Variants in GRIP1 observed in about 807,000 individuals in gnomAD.
GRIP1 encodes the protein glutamate receptor interacting protein 1.
Under a neutral mutation model 129.9 loss-of-function variants are expected in GRIP1, and 45 were observed. The observed-to-expected ratio is 0.35, with a 90% CI of 0.27 to 0.44. The LOEUF (loss-of-function observed/expected upper bound fraction) is 0.44. GRIP1 is among the 20% of genes least tolerant of loss of function. GRIP1 has a pLI of 1.00. For synonymous variants in GRIP1, 530 were observed against 520.8 expected (o/e 1.02, Z -0.24); for missense variants, 1,196 against 1,396.8 (o/e 0.86, Z 2.29).
chr12:66,515,285 C>G (rs1019024437), intron 7 of GRIP1, among the ~76,000 whole-genome samples: 6 of 151,806 alleles, frequency 4.0e-5, no homozygotes, highest in Non-Finnish European at 7.4e-5. Flanking sequence ...AAAAAAGTAC[C>G]AGTCCTTAAG....
intron 7 of GRIP1, among the ~76,000 whole-genome samples, chr12:66,510,927 T>C (rs776657991): frequency 4.6e-5 from 7 of 152,190 alleles, no homozygotes; most frequent in Non-Finnish European, 8.8e-5. Flanking sequence ...ATCCAGGAAA[T>C]GTATATCAAA....
chr12:66,797,232 C>T (rs940998096), intron 1 of GRIP1, among the ~76,000 whole-genome samples: 2 of 152,166 alleles, frequency 1.3e-5, no homozygotes, highest in Admixed American at 1.3e-4. Context: ...CCCTCTAAAA[C>T]AAGACTTAAC....
intron 1 of GRIP1, among the ~76,000 whole-genome samples, chr12:66,635,957 G>A (rs1028162122): frequency 1.3e-5 from 2 of 152,122 alleles, no homozygotes; most frequent in African/African-American, 4.8e-5. Context: ...TTGTACACCC[G>A]TGTTCATAGG....
At chr12:66,717,955 C>A (rs975306038) in intron 1 of GRIP1, among the ~76,000 whole-genome samples, 1 of 152,038 alleles carries the variant, frequency 6.6e-6, no homozygotes, top group African/African-American at 2.4e-5. Context: ...CCTGGGTGTG[C>A]CAGGAAAGAT....
intron 6 of GRIP1, among the ~76,000 whole-genome samples, chr12:66,517,500 G>C (rs765062244): frequency 6.6e-6 from 1 of 152,110 alleles, no homozygotes; most frequent in Non-Finnish European, 1.5e-5. Flanking sequence ...TGTCCAGGCT[G>C]GGAGATTAGC....
chr12:66,623,067 A>G (rs1268056114), intron 1 of GRIP1, among the ~76,000 whole-genome samples: 1 of 152,138 alleles, frequency 6.6e-6, no homozygotes, highest in East Asian at 1.9e-4. Flanking sequence ...CTTCCTGATG[A>G]ACAGTAGATG....
At chr12:66,362,163 T>A (rs1224567654) in intron 23 of GRIP1, among the ~76,000 whole-genome samples, 1 of 147,060 alleles carries the variant, frequency 6.8e-6, no homozygotes, top group African/African-American at 2.5e-5. Flanking sequence ...TTTTTTTTTT[T>A]TTTTAATGAG....
intron 1 of GRIP1, among the ~76,000 whole-genome samples, chr12:66,999,734 A>T (rs1223720850): frequency 6.6e-6 from 1 of 152,216 alleles, no homozygotes; most frequent in Non-Finnish European, 1.5e-5. Flanking sequence ...GATTCAGAGT[A>T]AAGACACCAA....
At chr12:66,724,828 C>T (rs534440956) in intron 1 of GRIP1, among the ~76,000 whole-genome samples, 12 of 152,300 alleles carry the variant, frequency 7.9e-5, no homozygotes, top group African/African-American at 2.9e-4. Flanking sequence ...TGCCTGAGGG[C>T]TAACCCGATG....
At chr12:66,478,533 T>C (rs1011264129) in intron 7 of GRIP1, among the ~76,000 whole-genome samples, 4 of 152,270 alleles carry the variant, frequency 2.6e-5, no homozygotes, top group Admixed American at 2.6e-4. Flanking sequence ...ACTGGATATA[T>C]ACCCAAAGGA....
intron 2 of GRIP1, among the ~76,000 whole-genome samples, chr12:66,578,286 C>T (rs1399611770): frequency 8.9e-6 from 1 of 112,866 alleles, no homozygotes; most frequent in African/African-American, 3.4e-5. Flanking sequence ...GCAAAGATGG[C>T]CAAATAGGAA....
At chr12:66,626,111 G>T (rs1282661760) in intron 1 of GRIP1, among the ~76,000 whole-genome samples, 3 of 152,198 alleles carry the variant, frequency 2.0e-5, no homozygotes, top group African/African-American at 7.2e-5. Flanking sequence ...GATCAACTGA[G>T]CTCAGGAGTT....
intron 1 of GRIP1, among the ~76,000 whole-genome samples, chr12:66,865,060 C>T (rs1252337875): frequency 1.3e-5 from 2 of 152,114 alleles, no homozygotes; most frequent in African/African-American, 4.8e-5. Flanking sequence ...TAACGATCTG[C>T]TGTGTTAAAT....
At chr12:66,963,899 T>C (rs1348123411) in intron 1 of GRIP1, among the ~76,000 whole-genome samples, 1 of 152,206 alleles carries the variant, frequency 6.6e-6, no homozygotes, top group Non-Finnish European at 1.5e-5. Context: ...TACTTTTCTT[T>C]GTATGTTTCT....
intron 7 of GRIP1, 73 bp from the exon 8 acceptor site, chr12:66,465,495 G>C: frequency 3.4e-4 from 405 of 1,187,076 alleles, no homozygotes; most frequent in Non-Finnish European, 4.7e-4. Flanking sequence ...AAGAGATGAA[G>C]AATATTCAGT....
chr12:67,030,129 T>C (rs1217457439), intron 1 of GRIP1, among the ~76,000 whole-genome samples: 1 of 150,842 alleles, frequency 6.6e-6, no homozygotes, highest in African/African-American at 2.4e-5. Flanking sequence ...GAGAATGGCA[T>C]GAACCCGGGA....
intron 7 of GRIP1, among the ~76,000 whole-genome samples, chr12:66,507,496 C>A (rs370865604): frequency 6.6e-6 from 1 of 151,646 alleles, no homozygotes; most frequent in Non-Finnish European, 1.5e-5. Context: ...TTTACTCTTG[C>A]GACTGGTAGA....
intron 2 of GRIP1, chr12:66,568,685 A>C (rs1156642426): frequency 4.3e-6 from 1 of 230,228 alleles, no homozygotes; most frequent in African/African-American, 2.3e-5. Context: ...AGCATTGTAG[A>C]ATTCATCTTC....
intron 1 of GRIP1, among the ~76,000 whole-genome samples, chr12:66,693,014 G>A (rs2035032472): frequency 6.6e-6 from 1 of 152,176 alleles, no homozygotes; most frequent in Non-Finnish European, 1.5e-5. Context: ...CAGGAGTTAT[G>A]AATAAAGTGT....
Sources: allele counts gnomAD v4.1 joint callset (sites outside exome capture counted in the v4.1 genomes callset), GRCh38; gene constraint gnomAD v4.1.1; transcripts MANE v1.5; gene names NCBI Gene and HGNC (gene_info 2026-07-23, HGNC 2026-07-21).